The following CCDC126 variants were observed in gnomAD, a reference collection of about 807,000 sequenced individuals.
CCDC126 encodes the protein coiled-coil domain-containing protein 126.
In CCDC126, 5 loss-of-function variants were observed where a neutral mutation model predicts 11.7. The observed-to-expected ratio is 0.43, with a 90% CI of 0.22 to 0.90. The LOEUF (loss-of-function observed/expected upper bound fraction) is 0.90. CCDC126 is among the 40% of genes least tolerant of loss of function. The pLI, the probability that CCDC126 is intolerant of heterozygous loss-of-function variation, is 0.27. For synonymous variants in CCDC126, 60 were observed against 61.9 expected (o/e 0.97, Z 0.14); for missense variants, 150 against 163.1 (o/e 0.92, Z 0.44).
intron 1 of CCDC126, 145 bp downstream of exon 1, chr7:23,597,750 G>A (rs1782448290): frequency 6.6e-6 from 1 of 152,304 alleles, no homozygotes; most frequent in African/African-American, 2.4e-5. Context: ...GCTTAGGAAC[G>A]GGCCGGCAGC....
At chr7:23,610,761 T>A (rs754559252) in intron 2 of CCDC126, among the ~76,000 whole-genome samples, 6 of 152,162 alleles carry the variant, frequency 3.9e-5, no homozygotes, top group Non-Finnish European at 7.3e-5. Flanking sequence ...TCCTTTTTCT[T>A]TCCTTCTTCC....
intron 2 of CCDC126, among the ~76,000 whole-genome samples, chr7:23,603,622 T>A (rs1782576474): frequency 6.6e-6 from 1 of 152,152 alleles, no homozygotes; most frequent in South Asian, 2.1e-4. Context: ...TTATCTGAAA[T>A]GCGAGGGAAA....
chr7:23,629,375 A>C (rs1293478962), intron 3 of CCDC126, among the ~76,000 whole-genome samples: 4 of 152,188 alleles, frequency 2.6e-5, no homozygotes, highest in Non-Finnish European at 5.9e-5. Context: ...GCAGATACCA[A>C]ATCTGCCGGC....
At chr7:23,636,854 TGAG>T (rs1783234431) in intron 3 of CCDC126, among the ~76,000 whole-genome samples, 1 of 103,044 alleles carries the variant, frequency 9.7e-6, no homozygotes, top group Non-Finnish European at 2.0e-5. Context: ...TACTGGAAAG[TGAG>T]GAGCCCCTCT....
chr7:23,605,308 T>C (rs897428320), intron 2 of CCDC126, among the ~76,000 whole-genome samples: 1 of 152,122 alleles, frequency 6.6e-6, no homozygotes, highest in Non-Finnish European at 1.5e-5. Flanking sequence ...GTGGATTGCA[T>C]GTTGTAAAGG....
At chr7:23,603,728 A>G (rs1782577697) in intron 2 of CCDC126, among the ~76,000 whole-genome samples, 1 of 152,032 alleles carries the variant, frequency 6.6e-6, no homozygotes, top group South Asian at 2.1e-4. Flanking sequence ...CTACCCCAAA[A>G]CTCATTGCAG....
rs1310376717 is a variant in CCDC126 at position 23,637,976 on chromosome 7, C to A, written c.239-4955C>A. Among the ~76,000 whole-genome samples, 85 of 113,338 alleles carry A rather than the reference C, an allele frequency of 7.5e-4. 1 individual carries two copies. The South Asian group carries it at 0.019, about 25-fold the overall frequency. 74.4% of individuals were successfully genotyped at this position (113,338 alleles called of 152,430 possible). A position where few individuals can be genotyped will look rare whatever the true frequency, so the allele number is the denominator to read the frequency against. On this transcript the variant is annotated intron_variant, in intron 3 of 3. Transcript: ENST00000307471. ...TCCGGGAGGGAGGTGGGGGGGTCAG[C>A]CCCCCGCCCGGCCAGCCGCCCTATC...
intron 3 of CCDC126, chr7:23,622,678 C>G (rs997372894): frequency 1.9e-6 from 1 of 532,750 alleles, no homozygotes; most frequent in Non-Finnish European, 3.8e-6. Context: ...ATGCAGATGA[C>G]TGCTTAGTAC....
intron 3 of CCDC126, among the ~76,000 whole-genome samples, chr7:23,622,306 T>C (rs186485184): frequency 6.6e-6 from 1 of 152,330 alleles, no homozygotes; most frequent in Non-Finnish European, 1.5e-5. Context: ...TGGTTAGTCT[T>C]GGGAGGGTGT....
chr7:23,613,260 G>A (rs1782746095), intron 3 of CCDC126, among the ~76,000 whole-genome samples: 1 of 152,026 alleles, frequency 6.6e-6, no homozygotes, highest in African/African-American at 2.4e-5. Flanking sequence ...GCAGCAAGGT[G>A]TGATCACACG....
At chr7:23,603,168 GTTTATC>G (rs1273098007) in intron 2 of CCDC126, among the ~76,000 whole-genome samples, 1 of 152,030 alleles carries the variant, frequency 6.6e-6, no homozygotes, top group Admixed American at 6.6e-5. Flanking sequence ...AAGACTTTGT[GTTTATC>G]TTTGTTTTAC....
intron 2 of CCDC126, among the ~76,000 whole-genome samples, chr7:23,605,364 G>A (rs1267210886): frequency 6.6e-6 from 1 of 151,892 alleles, no homozygotes; most frequent in Non-Finnish European, 1.5e-5. Context: ...GTGTGAAACT[G>A]TTGAAAGGTT....
At chr7:23,607,320 C>T (rs1782639557) in intron 2 of CCDC126, among the ~76,000 whole-genome samples, 1 of 152,196 alleles carries the variant, frequency 6.6e-6, no homozygotes, top group South Asian at 2.1e-4. Context: ...TATCAGGTTT[C>T]TGCTTAGTGA....
At chr7:23,600,911 T>C (rs1272975579) in intron 2 of CCDC126, among the ~76,000 whole-genome samples, 1 of 152,184 alleles carries the variant, frequency 6.6e-6, no homozygotes, top group Non-Finnish European at 1.5e-5. Flanking sequence ...GATCTTTTTA[T>C]AGCAAGACTC....
Position 23,624,608 on chromosome 7 carries a change from T to C in CCDC126, c.238+13055T>C, listed in dbSNP as rs539115817. Among the ~76,000 whole-genome samples, 28 of 152,356 alleles carry C rather than the reference T, an allele frequency of 1.8e-4. No homozygotes were observed. In the South Asian group the frequency reaches 5.8e-3, roughly 32 times the overall value. ...TGGTGTCTGTTATAATAAATGAGCA[T>C]GCCTATTTCCTAATAAAACTGTATT... On this transcript the variant is annotated intron_variant, in intron 3 of 3. Transcript: ENST00000307471.
rs1245632316 is a variant in CCDC126, at chr7:23,638,438, A to G, written c.239-4493A>G. On this transcript the variant is annotated intron_variant, in intron 3 of 3. Coordinates refer to ENST00000307471, the MANE Select transcript of CCDC126 (RefSeq NM_138771.4). The stretch of plus-strand genomic sequence containing the variant: ...TATCTCCAACCCTGTGCTCTCTGAA[A>G]CATGTGCTGTGTCCACTCAGGGTTA... Among the ~76,000 whole-genome samples the G allele has an allele frequency of 8.8e-5, 8 of 90,696 alleles. 1 individual carries two copies. Among genetic ancestry groups the G allele is most frequent in the Non-Finnish European group, 1.3e-4 (6 of 46,082 alleles). The allele number at this position is 90,696 out of a possible 152,430, so 59.5% of individuals were successfully genotyped here. A position where few individuals can be genotyped will look rare whatever the true frequency, so the allele number is the denominator to read the frequency against.
chr7:23,628,749 A>G (rs1783056368), intron 3 of CCDC126, among the ~76,000 whole-genome samples: 2 of 152,198 alleles, frequency 1.3e-5, no homozygotes, highest in South Asian at 4.1e-4. Context: ...CGAACTGTTC[A>G]TCTCCCTTCC....
At chr7:23,606,208 G>A (rs1007308478) in intron 2 of CCDC126, among the ~76,000 whole-genome samples, 18 of 151,944 alleles carry the variant, frequency 1.2e-4, no homozygotes, top group African/African-American at 2.9e-4. Context: ...ACAGGTGCCC[G>A]CCACCACACC....
At chr7:23,622,030 G>T (rs1054129357) in intron 3 of CCDC126, among the ~76,000 whole-genome samples, 9 of 152,134 alleles carry the variant, frequency 5.9e-5, no homozygotes, top group Non-Finnish European at 1.2e-4. Context: ...AGGGATATTG[G>T]TCTAAAATTC....
Sources: allele counts gnomAD v4.1 joint callset (sites outside exome capture counted in the v4.1 genomes callset), GRCh38; gene constraint gnomAD v4.1.1; transcripts MANE v1.5; gene names NCBI Gene and HGNC (gene_info 2026-07-23, HGNC 2026-07-21).